Variants in EIF4A1 observed in about 807,000 individuals in gnomAD.
EIF4A1 encodes the protein eukaryotic initiation factor 4A-I.
In EIF4A1, 11 loss-of-function variants were observed where a neutral mutation model predicts 53.5. The observed-to-expected ratio is 0.21, with a 90% CI of 0.13 to 0.34. EIF4A1 has a LOEUF of 0.34. Among genes scored for constraint, EIF4A1 ranks in the 10% least tolerant of loss-of-function variants. EIF4A1 has a pLI of 1.00. For synonymous variants in EIF4A1, 237 were observed against 186.7 expected (o/e 1.27, Z -2.20); for missense variants, 213 against 530.8 (o/e 0.40, Z 5.88).
intron 3 of EIF4A1, 85 bp from the exon 4 acceptor site, chr17:7,575,031 GGTT>G (rs1172727467): frequency 6.5e-7 from 1 of 1,536,310 alleles, no homozygotes; most frequent in Non-Finnish European, 8.9e-7. Flanking sequence ...TTGGTTCATT[GGTT>G]GCTTATTGAC....
rs1392994198 is a variant in EIF4A1, at chr17:7,578,951, T to C, written c.*465T>C. The C allele has an allele frequency of 1.9e-5, 3 of 155,676 alleles. No individual in the cohort carries two copies. Among genetic ancestry groups the C allele is most frequent in the Non-Finnish European group, 4.3e-5 (3 of 70,066 alleles). 9.6% of individuals were successfully genotyped at this position (155,676 alleles called of 1,614,324 possible). A position where few individuals can be genotyped will look rare whatever the true frequency, so the allele number is the denominator to read the frequency against. On this transcript the variant is annotated 3_prime_UTR_variant, in exon 11 of 11. Transcript: ENST00000293831. The stretch of plus-strand genomic sequence containing the variant: ...CATTTTTACATTGTTTTGTATAGTA[T>C]TTATTGATTCAGGAAACAAACACAA...
At position 7,578,218 on chromosome 17, in the gene EIF4A1, C is replaced by T; in HGVS notation, c.1050C>T (p.Pro350=). ...QVSLVINYDL[P]TNRENYIHRI... Reference sequence around the variant, plus strand: ...CTTTAGTCATCAACTATGACCTTCCCACCAACAGGGAAAACTATATCCACA... The same window carrying T: ...CTTTAGTCATCAACTATGACCTTCCTACCAACAGGGAAAACTATATCCACA... The change falls in exon 10 of 11, where the codon CCC becomes CCT. Residue 350 remains proline, a synonymous_variant. Coordinates refer to ENST00000293831, the MANE Select transcript of EIF4A1 (RefSeq NM_001416.4). The T allele has an allele frequency of 6.2e-7, 1 of 1,614,182 alleles. No homozygotes were observed.
At chr17:7,575,425 A>T (rs765939188) in intron 4 of EIF4A1, 167 bp downstream of exon 4, 5 of 1,040,556 alleles carry the variant, frequency 4.8e-6, no homozygotes, top group African/African-American at 1.6e-5. Flanking sequence ...ACCCAAACGT[A>T]ACCATTGCTT....
intron 4 of EIF4A1, 57 bp from the exon 5 acceptor site, chr17:7,576,464 TAAG>T (rs1267011827): frequency 1.4e-6 from 2 of 1,481,052 alleles, no homozygotes; most frequent in Non-Finnish European, 1.8e-6. Flanking sequence ...GAAAAACATT[TAAG>T]AATGGTGCCG....
intron 1 of EIF4A1, chr17:7,574,042 T>C (rs2071365687): frequency 1.7e-6 from 1 of 582,918 alleles, no homozygotes; most frequent in African/African-American, 1.9e-5. Flanking sequence ...CACCCCCTTA[T>C]GTCGGGGGTG....
chr17:7,578,289 CCT>C, intron 10 of EIF4A1, 45 bp downstream of exon 10: 5 of 1,613,856 alleles, frequency 3.1e-6, no homozygotes, highest in Non-Finnish European at 4.2e-6. Flanking sequence ...CACACCTGGC[CCT>C]CCCTGGGCTT....
At chr17:7,576,238 G>A (rs890834698) in intron 4 of EIF4A1, 3 of 302,470 alleles carry the variant, frequency 9.9e-6, no homozygotes, top group African/African-American at 2.2e-5. Flanking sequence ...AAGGTTAAGG[G>A]TTCTAAATAT....
At chr17:7,576,951 G>A (rs750650624) in intron 5 of EIF4A1, 105 bp from the exon 6 acceptor site, 1 of 1,407,764 alleles carries the variant, frequency 7.1e-7, no homozygotes, top group South Asian at 1.2e-5. Flanking sequence ...TACTCTGAGA[G>A]CAGACTACTT....
Position 7,574,300 on chromosome 17 carries a change from G to C in EIF4A1, c.64G>C (p.Val22Leu). 2.5e-6 allele frequency: 4 copies of C among 1,614,212 alleles called. No individual in the cohort carries two copies. Among genetic ancestry groups the C allele is most frequent in the Non-Finnish European group, 3.4e-6 (4 of 1,180,040 alleles). The change falls in exon 2 of 11, where the codon GTC becomes CTC. Residue 22 changes from valine (V) to leucine (L), a missense_variant. Transcript: ENST00000293831. ...NGPDGMEPEG[V>L]IESNWNEIVD... is the part of the protein sequence containing the mutation. ...CCCCGATGGGATGGAGCCCGAAGGC[G>C]TCATCGAGGTGAGACTGGAGAAATG...
In EIF4A1 at chr17:7,577,710, TGTTTGCCCGCTGCCAGCCTGTTGTGG is replaced by T; in HGVS notation, c.906+7_906+32del. 1.2e-6 allele frequency: 2 copies of T among 1,613,022 alleles called. No individual in the cohort carries two copies. Among genetic ancestry groups the T allele is most frequent in the Non-Finnish European group, 1.7e-6 (2 of 1,179,874 alleles). On this transcript the variant is annotated splice_donor_5th_base_variant and intron_variant, in intron 8 of 10. Coordinates refer to ENST00000293831, the MANE Select transcript of EIF4A1 (RefSeq NM_001416.4). This position sits in a 1 kb window ranked among gnomAD's most constrained non-coding sequence, Gnocchi z 4.7. ...AGATTTCACTGTATCCGCCATGGTG[TGTTTGCCCGCTGCCAGCCTGTTGTGG>T]GTCTGCCCGTCAGAAGTGTCCTACT... is the stretch of plus-strand genomic sequence containing the variant.
Position 7,577,810 on chromosome 17 carries a change from T to C in EIF4A1, c.907-17T>C, listed in dbSNP as rs751704999. The C allele has an allele frequency of 6.2e-7, 1 of 1,614,172 alleles. No homozygotes were observed. Among genetic ancestry groups the C allele is most frequent in the East Asian group, 2.2e-5 (1 of 44,888 alleles). On this transcript the variant is annotated splice_polypyrimidine_tract_variant and intron_variant, in intron 8 of 10. Transcript: ENST00000293831. This position sits in a 1 kb window ranked among gnomAD's most constrained non-coding sequence, Gnocchi z 4.7. Reference sequence around the variant, plus strand: ...AGGTGCCTACCTGGTCTGCTGCATATTTGTTTTCTCTTCCAGCATGGAGAT... The same window carrying C: ...AGGTGCCTACCTGGTCTGCTGCATACTTGTTTTCTCTTCCAGCATGGAGAT...
At chr17:7,574,125 TGGGAG>T in intron 1 of EIF4A1, 130 bp from the exon 2 acceptor site, 1 of 962,760 alleles carries the variant, frequency 1.0e-6, no homozygotes, top group Admixed American at 2.3e-5. Context: ...GGGTATTTTT[TGGGAG>T]CTGGTGGGAG....
Position 7,578,419 on chromosome 17 carries a change from G to A in EIF4A1, c.1154G>A (p.Arg385Gln), listed in dbSNP as rs781174047. The A allele has an allele frequency of 6.2e-7, 1 of 1,613,720 alleles. No homozygotes were observed. The highest frequency in any genetic ancestry group is 8.5e-7 in the Non-Finnish European group (1 of 1,179,832). The change falls in exon 11 of 11, where the codon CGA (arginine) becomes CAA (glutamine). Residue 385 changes from arginine to glutamine, a missense_variant. Arg to Gln is a conservative substitution (Grantham distance 43). Transcript: ENST00000293831. ...MVTEEDKRTL[R>Q]DIETFYNTSI... ...ACAGAAGAAGACAAGAGGACTCTTC[G>A]AGACATTGAGACCTTCTACAACACC...
chr17:7,578,247 A>G lies in EIF4A1; in HGVS notation c.1076+3A>G. ...AACAGGGAAAACTATATCCACAGGTAAGCGTAGATCTGGAACACTCCCCTA... is the reference window on the plus strand; with the variant it reads ...AACAGGGAAAACTATATCCACAGGTGAGCGTAGATCTGGAACACTCCCCTA... On this transcript the variant is annotated splice_donor_region_variant and intron_variant, in intron 10 of 10. Transcript: ENST00000293831. 1.2e-6 allele frequency: 2 copies of G among 1,614,212 alleles called. No individual in the cohort carries two copies. Among genetic ancestry groups the G allele is most frequent in the East Asian group, 4.5e-5 (2 of 44,894 alleles).
At chr17:7,573,862 C>A (rs531821474) in intron 1 of EIF4A1, 128 of 179,214 alleles carry the variant, frequency 7.1e-4, no homozygotes, top group African/African-American at 3.0e-3. Context: ...TCCTACCCTC[C>A]GATCTGGGAG....
Position 7,578,691 on chromosome 17 carries a change from C to A in EIF4A1, c.*205C>A. ...GGTAGGCTCTTGCCCCAGGCGCCGG[C>A]TCTTCTCCCAAAAAAAAAAAAAAAA... On this transcript the variant is annotated 3_prime_UTR_variant, in exon 11 of 11. Coordinates refer to ENST00000293831, the MANE Select transcript of EIF4A1 (RefSeq NM_001416.4). 1.4e-5 allele frequency: 6 copies of A among 415,538 alleles called. No individual in the cohort carries two copies. The highest frequency in any genetic ancestry group is 2.4e-5 in the Non-Finnish European group (6 of 248,080). 25.7% of individuals were successfully genotyped at this position (415,538 alleles called of 1,614,324 possible).
rs759582212 is a variant in EIF4A1 at position 7,577,943 on chromosome 17, G to A, written c.996+27G>A. The A allele has an allele frequency of 4.3e-6, 7 of 1,613,564 alleles. No individual in the cohort carries two copies. Among genetic ancestry groups the A allele is most frequent in the East Asian group, 2.2e-5 (1 of 44,900 alleles). ...TGAGTAGAGGGAACTGATAGCAAAG[G>A]CAGAAGGGAGGATCCAAGGTGATTC... On this transcript the variant is annotated intron_variant, in intron 9 of 10. Coordinates refer to ENST00000293831, the MANE Select transcript of EIF4A1 (RefSeq NM_001416.4). This position sits in a 1 kb window ranked among gnomAD's most constrained non-coding sequence, Gnocchi z 4.7.
intron 2 of EIF4A1, 73 bp from the exon 3 acceptor site, chr17:7,574,471 TTC>T (rs1416193569): frequency 4.4e-6 from 7 of 1,604,140 alleles, no homozygotes; most frequent in African/African-American, 4.0e-5. Flanking sequence ...AGGCACCAGA[TTC>T]TGTTTGCTCG....
At position 7,575,379 on chromosome 17, in the gene EIF4A1, C is replaced by A. The variant is rs1348753963; in HGVS notation, c.345+121C>A. ...AGGAAGACATGGGTGCCCTAACACT[C>A]TCGAGACCTGCTGGGTTAATTAAAA... On this transcript the variant is annotated intron_variant, in intron 4 of 10. Transcript: ENST00000293831. The A allele has an allele frequency of 2.9e-6, 4 of 1,372,378 alleles. No individual in the cohort carries two copies. The South Asian group carries it at 3.5e-5, about 12-fold the overall frequency. 85.0% of individuals were successfully genotyped at this position (1,372,378 alleles called of 1,614,324 possible). A position where few individuals can be genotyped will look rare whatever the true frequency, so the allele number is the denominator to read the frequency against.
Sources: gnomAD v4.1 joint callset for allele counts on GRCh38, gnomAD v4.1.1 for gene constraint, Gnocchi (gnomAD v3.1) non-coding constraint, MANE v1.5 for transcripts, NCBI Gene and HGNC (gene_info 2026-07-23, HGNC 2026-07-21) for gene names.